The following B4GALT6 variants were observed in gnomAD, a reference collection of about 807,000 sequenced individuals.
The protein encoded by B4GALT6 is beta-1,4-galactosyltransferase 6, also known as UDP-Gal:beta-GlcNAc beta-1,4-galactosyltransferase 6.
A neutral mutation model predicts 46.3 loss-of-function variants in B4GALT6; 14 were observed. The ratio of observed to expected loss-of-function variants is 0.30; its 90% CI spans 0.20 to 0.47. The LOEUF (loss-of-function observed/expected upper bound fraction) is 0.47. Ranked by LOEUF, B4GALT6 falls within the 20% of genes least tolerant of loss-of-function variation. The probability of loss-of-function intolerance (pLI) is 0.99; values close to 1 mark genes in which losing one functional copy is unlikely to be tolerated. For missense variants in B4GALT6, 386 were observed against 480.1 expected (o/e 0.80, Z 1.83); for synonymous variants, 168 against 162.0 (o/e 1.04, Z -0.28).
chr18:31,642,067 C>G (rs774479011), intron 4 of B4GALT6, among the ~76,000 whole-genome samples: 7 of 152,196 alleles, frequency 4.6e-5, no homozygotes, highest in Admixed American at 3.3e-4. Context: ...CTCCTCATTT[C>G]CAGTACCTCC....
the B4GALT6 span, among the ~76,000 whole-genome samples, chr18:31,699,754 GAACA>G: frequency 2.1e-3 from 322 of 151,444 alleles, 1 homozygote; most frequent in African/African-American, 7.3e-3. Flanking sequence ...AATTTAGAAC[GAACA>G]AAGACTGAAC....
intron 5 of B4GALT6, among the ~76,000 whole-genome samples, chr18:31,632,558 C>T (rs1388057608): frequency 1.3e-5 from 2 of 152,124 alleles, no homozygotes; most frequent in Non-Finnish European, 2.9e-5. Flanking sequence ...ATATTTCTTG[C>T]TTCTTTCACT....
chr18:31,653,589 G>A (rs750593572), intron 3 of B4GALT6, among the ~76,000 whole-genome samples: 2 of 151,554 alleles, frequency 1.3e-5, no homozygotes, highest in Non-Finnish European at 2.9e-5. Flanking sequence ...CTACAGGCAC[G>A]CACCACTGCA....
the B4GALT6 span, among the ~76,000 whole-genome samples, chr18:31,692,032 A>G: frequency 6.0e-5 from 9 of 151,086 alleles, no homozygotes; most frequent in Non-Finnish European, 8.9e-5. Flanking sequence ...CAAATTATTA[A>G]CATAATTCAA....
intron 1 of B4GALT6, among the ~76,000 whole-genome samples, chr18:31,680,826 C>T (rs1158645173): frequency 6.6e-6 from 1 of 152,188 alleles, no homozygotes; most frequent in Non-Finnish European, 1.5e-5. Context: ...CCCCAGAGAC[C>T]TTTCAAAACC....
the B4GALT6 span, among the ~76,000 whole-genome samples, chr18:31,721,005 G>A: frequency 2.1e-4 from 32 of 152,304 alleles, no homozygotes; most frequent in Middle Eastern, 3.4e-3. Context: ...GTTGACACTG[G>A]TTCATTCGTG....
the B4GALT6 span, among the ~76,000 whole-genome samples, chr18:31,722,859 A>T: frequency 5.3e-5 from 8 of 151,988 alleles, no homozygotes; most frequent in Non-Finnish European, 1.2e-4. Flanking sequence ...AAATACCAAG[A>T]CCTCTTTATT....
chr18:31,653,092 TA>T (rs1213795522), intron 3 of B4GALT6, among the ~76,000 whole-genome samples: 1 of 151,608 alleles, frequency 6.6e-6, no homozygotes, highest in Non-Finnish European at 1.5e-5. Flanking sequence ...TACAGGCTCA[TA>T]AATCAACTGT....
chr18:31,635,524 T>C (rs755604567), intron 5 of B4GALT6, among the ~76,000 whole-genome samples: 4 of 152,158 alleles, frequency 2.6e-5, no homozygotes, highest in Admixed American at 1.3e-4. Context: ...ATACCAAGCA[T>C]TTCCACGGAG....
At chr18:31,639,280 A>G (rs1413454394) in intron 4 of B4GALT6, among the ~76,000 whole-genome samples, 1 of 152,240 alleles carries the variant, frequency 6.6e-6, no homozygotes, top group Non-Finnish European at 1.5e-5. Context: ...GGAATGTATC[A>G]TAAGAGTAAC....
chr18:31,691,688 GA>G, the B4GALT6 span, among the ~76,000 whole-genome samples: 1 of 151,996 alleles, frequency 6.6e-6, no homozygotes, highest in Non-Finnish European at 1.5e-5. Context: ...ATTCTGGGGG[GA>G]AAATAGTTTC....
At chr18:31,724,483 G>C in the B4GALT6 span, 1 of 1,015,210 alleles carries the variant, frequency 9.9e-7, no homozygotes, top group Non-Finnish European at 1.2e-6. Flanking sequence ...ACCCGGGAGA[G>C]CTTTGATTAC....
chr18:31,706,955 A>G, the B4GALT6 span, among the ~76,000 whole-genome samples: 1 of 152,294 alleles, frequency 6.6e-6, no homozygotes, highest in African/African-American at 2.4e-5. Flanking sequence ...ATAAATACCT[A>G]TCTTGAATGG....
At chr18:31,715,568 G>C in the B4GALT6 span, among the ~76,000 whole-genome samples, 2 of 38,300 alleles carry the variant, frequency 5.2e-5, no homozygotes, top group Non-Finnish European at 9.0e-5. Context: ...TTTTTTTTTT[G>C]AGATGGAGTT....
the B4GALT6 span, among the ~76,000 whole-genome samples, chr18:31,718,403 G>A: frequency 6.6e-6 from 1 of 152,124 alleles, no homozygotes; most frequent in Non-Finnish European, 1.5e-5. Flanking sequence ...TGCAAGATAG[G>A]GCCTGTTTAT....
chr18:31,678,997 A>G (rs2074448882), intron 1 of B4GALT6, among the ~76,000 whole-genome samples: 1 of 152,240 alleles, frequency 6.6e-6, no homozygotes, highest in South Asian at 2.1e-4. Flanking sequence ...CTGCCTCAAA[A>G]GGAAAATGCA....
At chr18:31,660,029 T>A (rs1412831774) in intron 2 of B4GALT6, among the ~76,000 whole-genome samples, 1 of 148,410 alleles carries the variant, frequency 6.7e-6, no homozygotes, top group Non-Finnish European at 1.5e-5. Flanking sequence ...AATAGCTCAC[T>A]GCAGCATTGA....
At chr18:31,653,361 C>T (rs2074098352) in intron 3 of B4GALT6, among the ~76,000 whole-genome samples, 1 of 151,934 alleles carries the variant, frequency 6.6e-6, no homozygotes, top group Non-Finnish European at 1.5e-5. Flanking sequence ...TCTGATGACA[C>T]CTCTCTCTGA....
chr18:31,666,525 C>A (rs749834627), intron 1 of B4GALT6, among the ~76,000 whole-genome samples, 153 bp from the exon 2 acceptor site: 2 of 151,696 alleles, frequency 1.3e-5, no homozygotes, highest in African/African-American at 2.4e-5. Context: ...ATATTGCCTA[C>A]TATAAAAACT....
Sources: gnomAD v4.1 joint callset for allele counts (sites outside exome capture counted in the v4.1 genomes callset) on GRCh38, gnomAD v4.1.1 for gene constraint, MANE v1.5 for transcripts, NCBI Gene and HGNC (gene_info 2026-07-23, HGNC 2026-07-21) for gene names.